The following ADCYAP1 variants were observed in gnomAD, a reference collection of about 807,000 sequenced individuals.
ADCYAP1 encodes the protein adenylate cyclase activating polypeptide 1.
ADCYAP1 carries 6 observed loss-of-function variants against 18.5 expected under a neutral mutation model. The ratio of observed to expected loss-of-function variants is 0.32; its 90% confidence interval spans 0.18 to 0.64. The LOEUF (loss-of-function observed/expected upper bound fraction) is 0.64, where lower values mean the gene tolerates loss of function less well. Among genes scored for constraint, ADCYAP1 ranks in the 30% least tolerant of loss-of-function variants. The probability of loss-of-function intolerance (pLI) is 0.77; values close to 1 mark genes in which losing one functional copy is unlikely to be tolerated. For synonymous variants in ADCYAP1, 136 were observed against 113.9 expected, an observed-to-expected ratio of 1.19 and a Z score of -1.24; for missense variants, 314 against 253.6, an observed-to-expected ratio of 1.24 and a Z score of -1.62.
At position 907,708 on chromosome 18, in the gene ADCYAP1, G is replaced by T. The variant is rs770809469; in HGVS notation, c.160G>T (p.Asp54Tyr). 3 of 1,558,066 alleles carry T rather than the reference G, an allele frequency of 1.9e-6. No homozygotes were observed. The highest frequency in any genetic ancestry group is 1.2e-5 in the South Asian group (1 of 85,714). The change falls in exon 3 of 5, where the codon GAT (aspartate) becomes TAT (tyrosine). Residue 54 changes from aspartate to tyrosine, a missense_variant. Coordinates refer to ENST00000450565, the MANE Select transcript of ADCYAP1 (RefSeq NM_001099733.2). ...GEDGNPLPDF[D>Y]GSEPPGAGSP... is the part of the protein sequence containing the mutation. ...GGACGGAAACCCGCTGCCAGACTTC[G>T]ATGGCTCGGAGCCGCCGGGCGCAGG...
intron 4 of ADCYAP1, 58 bp downstream of exon 4, chr18:908,421 G>C (rs1366819672): frequency 2.7e-6 from 4 of 1,498,550 alleles, no homozygotes; most frequent in Admixed American, 3.7e-5. Context: ...TGTGCGGGGC[G>C]CGCGGGGCGG....
rs146643561 is a variant in ADCYAP1 at position 909,585 on chromosome 18, A to C, written c.481A>C (p.Arg161=). 3.5e-5 allele frequency: 56 copies of C among 1,613,996 alleles called. 1 individual carries two copies. In the African/African-American group the frequency reaches 7.2e-4, roughly 21 times the overall value. The change falls in exon 5 of 5, where the codon AGG becomes CGG. Residue 161 remains arginine, a synonymous_variant. Coordinates refer to ENST00000450565, the MANE Select transcript of ADCYAP1 (RefSeq NM_001099733.2). The part of the protein sequence containing the change: ...KKYLAAVLGK[R]YKQRVKNKGR... Reference sequence around the variant, plus strand: ...ATACTTGGCGGCCGTCCTAGGGAAGAGGTATAAACAAAGGGTTAAAAACAA... The same window carrying C: ...ATACTTGGCGGCCGTCCTAGGGAAGCGGTATAAACAAAGGGTTAAAAACAA...
rs1909214292 is a variant in ADCYAP1, at chr18:907,526, G to T, written c.111-133G>T. The T allele has an allele frequency of 4.1e-6, 4 of 983,998 alleles. No homozygotes were observed. The Admixed American group carries it at 8.8e-5, about 22-fold the overall frequency. 61.0% of individuals were successfully genotyped at this position (983,998 alleles called of 1,614,324 possible). A position where few individuals can be genotyped will look rare whatever the true frequency, so the allele number is the denominator to read the frequency against. On this transcript the variant is annotated intron_variant, in intron 2 of 4. Transcript: ENST00000450565. ...TACCTCTGCTCCCACCCCCAGTCCTGGGAGAAGAGACAATTCTCAGCGGAG... is the reference window on the plus strand; with the variant it reads ...TACCTCTGCTCCCACCCCCAGTCCTTGGAGAAGAGACAATTCTCAGCGGAG...
chr18:907,310 G>A (rs770266291), intron 2 of ADCYAP1, among the ~76,000 whole-genome samples: 5 of 152,178 alleles, frequency 3.3e-5, no homozygotes, highest in South Asian at 2.1e-4. Flanking sequence ...TGCTGCTTTG[G>A]GGAGGCTCGG....
intron 4 of ADCYAP1, 58 bp downstream of exon 4, chr18:908,421 G>A (rs1366819672): frequency 2.0e-6 from 3 of 1,498,544 alleles, no homozygotes; most frequent in Non-Finnish European, 2.7e-6. Context: ...TGTGCGGGGC[G>A]CGCGGGGCGG....
Position 909,478 on chromosome 18 carries a change from C to T in ADCYAP1, c.374C>T (p.Ala125Val). ...GSLGGGAGDD[A>V]EPLSKRHSDG... is the part of the protein sequence containing the mutation. ...CTCGGCGGCGGCGCGGGGGACGACGCGGAGCCGCTCTCCAAGCGCCACTCG... is the reference window on the plus strand; with the variant it reads ...CTCGGCGGCGGCGCGGGGGACGACGTGGAGCCGCTCTCCAAGCGCCACTCG... The change falls in exon 5 of 5, where the codon GCG (alanine) becomes GTG (valine). Residue 125 changes from alanine to valine, a missense_variant. By Grantham distance (64) the Ala-to-Val change is moderately conservative (BLOSUM62 0). Transcript: ENST00000450565. The T allele has an allele frequency of 6.2e-7, 1 of 1,612,758 alleles. No individual in the cohort carries two copies. The highest frequency in any genetic ancestry group is 1.3e-5 in the African/African-American group (1 of 75,002).
chr18:904,425 A>G, upstream of ADCYAP1: 3 of 1,284,422 alleles, frequency 2.3e-6, no homozygotes, highest in Non-Finnish European at 3.0e-6. Context: ...TCTGTACTTA[A>G]AGGCAACAGG....
upstream of ADCYAP1, chr18:904,795 T>C: frequency 7.8e-7 from 1 of 1,282,716 alleles, no homozygotes. Context: ...CTTTCTTTCT[T>C]CTGCCTCTCT....
At chr18:907,908 G>A in intron 3 of ADCYAP1, 118 bp downstream of exon 3, 1 of 1,372,458 alleles carries the variant, frequency 7.3e-7, no homozygotes, top group Non-Finnish European at 9.4e-7. Flanking sequence ...AAGTCCTCAA[G>A]CCTGTCCTCT....
At position 905,513 on chromosome 18, in the gene ADCYAP1, T is replaced by A. The variant is rs534614195; in HGVS notation, c.110+17T>A. ...CGGGATCAGGTAGGTGCTGGCTGCCTGGCCCAAGCAGGAGCTGGGGCTTCC... is the reference window on the plus strand; with the variant it reads ...CGGGATCAGGTAGGTGCTGGCTGCCAGGCCCAAGCAGGAGCTGGGGCTTCC... On this transcript the variant is annotated intron_variant, in intron 2 of 4. Coordinates refer to ENST00000450565, the MANE Select transcript of ADCYAP1 (RefSeq NM_001099733.2). The A allele has an allele frequency of 6.2e-7, 1 of 1,603,292 alleles. No individual in the cohort carries two copies. Among genetic ancestry groups the A allele is most frequent in the South Asian group, 1.1e-5 (1 of 91,066 alleles).
rs552286569 is a variant in ADCYAP1, at chr18:908,071, G to A, written c.243-194G>A. On this transcript the variant is annotated intron_variant, in intron 3 of 4. Coordinates refer to ENST00000450565, the MANE Select transcript of ADCYAP1 (RefSeq NM_001099733.2). ...ACACTCCGCATCTGCCACTCCTAGA[G>A]CCGGGACTAGCTCCCGATCCTAGCA... 5 of 666,150 alleles carry A rather than the reference G, an allele frequency of 7.5e-6. No individual in the cohort carries two copies. The East Asian group carries it at 1.4e-4, about 19-fold the overall frequency. The allele number at this position is 666,150 out of a possible 1,614,324, so 41.3% of individuals were successfully genotyped here.
chr18:909,860 A>AAT lies in ADCYAP1; in HGVS notation c.*233_*234dup, dbSNP rs1384017470. On this transcript the variant is annotated 3_prime_UTR_variant, in exon 5 of 5. Coordinates refer to ENST00000450565, the MANE Select transcript of ADCYAP1 (RefSeq NM_001099733.2). ...GGACCAATTATTGATATATATTATA[A>AAT]ATATATATAAAGAATATATATATAT... 1 of 139,632 alleles carries AAT rather than the reference A, an allele frequency of 7.2e-6. No individual in the cohort carries two copies. Among genetic ancestry groups the AAT allele is most frequent in the Non-Finnish European group, 1.5e-5 (1 of 67,608 alleles). 8.6% of individuals were successfully genotyped at this position (139,632 alleles called of 1,614,324 possible).
intron 1 of ADCYAP1, 141 bp downstream of exon 1, chr18:905,201 T>TATA: frequency 7.5e-7 from 1 of 1,331,034 alleles, no homozygotes; most frequent in South Asian, 1.6e-5. Context: ...TATATATATA[T>TATA]TTTTTTCTAA....
At chr18:905,725 TC>T (rs1909144477) in intron 2 of ADCYAP1, 1 of 573,574 alleles carries the variant, frequency 1.7e-6, no homozygotes, top group African/African-American at 1.9e-5. Context: ...CAGCTCAGGG[TC>T]CCGGGTAGAG....
chr18:905,613 C>G (rs1038942579), intron 2 of ADCYAP1, 117 bp downstream of exon 2: 1 of 1,199,810 alleles, frequency 8.3e-7, no homozygotes, highest in Non-Finnish European at 1.1e-6. Flanking sequence ...CCCTCTGCGC[C>G]CCCGGTGCGC....
chr18:908,348 T>C lies in ADCYAP1; in HGVS notation c.326T>C (p.Val109Ala), dbSNP rs1353278601. The C allele has an allele frequency of 6.2e-7, 1 of 1,612,992 alleles. No individual in the cohort carries two copies. The change falls in exon 4 of 5, where the codon GTG (valine) becomes GCG (alanine). Residue 109 changes from valine (V) to alanine (A), a missense_variant. Transcript: ENST00000450565. ...GCCGGGAAGCACCTGCAGTCGCTCG[T>C]GGCCCGGGGCGTGGGGTAAGAGTTT... ...LSAGKHLQSL[V>A]ARGVGGSLGG... is the part of the protein sequence containing the mutation.
rs758642838 is a variant in ADCYAP1 at position 908,318 on chromosome 18, T to G, written c.296T>G (p.Leu99Arg). The change falls in exon 4 of 5, where the codon CTG (leucine) becomes CGG (arginine). Residue 99 changes from leucine to arginine, a missense_variant. Coordinates refer to ENST00000450565, the MANE Select transcript of ADCYAP1 (RefSeq NM_001099733.2). ...GCCTACCGCAAAGTGCTGGACCAGC[T>G]GTCCGCCGGGAAGCACCTGCAGTCG... ...NEAYRKVLDQ[L>R]SAGKHLQSLV... The G allele has an allele frequency of 1.9e-6, 3 of 1,613,366 alleles. No individual in the cohort carries two copies. Among genetic ancestry groups the G allele is most frequent in the Non-Finnish European group, 2.5e-6 (3 of 1,179,760 alleles).
Position 907,703 on chromosome 18 carries a change from A to C in ADCYAP1, c.155A>C (p.Asp52Ala). 1 of 1,564,052 alleles carries C rather than the reference A, an allele frequency of 6.4e-7. No individual in the cohort carries two copies. Among genetic ancestry groups the C allele is most frequent in the Non-Finnish European group, 8.6e-7 (1 of 1,163,278 alleles). The change falls in exon 3 of 5, where the codon GAC becomes GCC. Residue 52 changes from aspartate (D) to alanine (A), a missense_variant. Physicochemically the swap from Asp to Ala is moderately radical, Grantham distance 126. Coordinates refer to ENST00000450565, the MANE Select transcript of ADCYAP1 (RefSeq NM_001099733.2). ...AYGEDGNPLP[D>A]FDGSEPPGAG... ...GGCGAGGACGGAAACCCGCTGCCAG[A>C]CTTCGATGGCTCGGAGCCGCCGGGC...
chr18:909,475 A>ACGCG lies in ADCYAP1; in HGVS notation c.372_375dup (p.Glu126ArgfsTer39). The ACGCG allele has an allele frequency of 6.2e-7, 1 of 1,612,672 alleles. No individual in the cohort carries two copies. The highest frequency in any genetic ancestry group is 8.5e-7 in the Non-Finnish European group (1 of 1,179,842). ...AGCCTCGGCGGCGGCGCGGGGGACG[A>ACGCG]CGCGGAGCCGCTCTCCAAGCGCCAC... On this transcript the variant is annotated frameshift_variant, in exon 5 of 5. Transcript: ENST00000450565. LOFTEE classifies it high-confidence loss of function.
Sources: allele counts gnomAD v4.1 joint callset (sites outside exome capture counted in the v4.1 genomes callset), GRCh38; gene constraint gnomAD v4.1.1; transcripts MANE v1.5; gene names NCBI Gene and HGNC (gene_info 2026-07-23, HGNC 2026-07-21).